AGO2: variants seen among roughly 807,000 people sequenced by gnomAD.
AGO2 encodes argonaute RISC catalytic component 2.
In AGO2, 5 loss-of-function variants were observed where a neutral mutation model predicts 102.3. That is an observed-to-expected ratio of 0.05 (90% CI 0.03 to 0.10). The LOEUF (loss-of-function observed/expected upper bound fraction) is 0.10, where lower values mean the gene tolerates loss of function less well. AGO2 is among the 10% of genes least tolerant of loss of function. AGO2 has a pLI of 1.00. For missense variants in AGO2, 541 were observed against 1,183.7 expected (o/e 0.46, Z 7.97); for synonymous variants, 449 against 473.1 (o/e 0.95, Z 0.66).
At chr8:140,640,709 C>T in the AGO2 span, among the ~76,000 whole-genome samples, 3,675 of 151,992 alleles carry the variant, frequency 0.024, 114 homozygotes, top group East Asian at 0.074. Context: ...GTAGTAGAGA[C>T]GGGGTTTCAC....
intron 14 of AGO2, among the ~76,000 whole-genome samples, chr8:140,541,976 T>G (rs953108681): frequency 2.0e-5 from 3 of 152,154 alleles, no homozygotes; most frequent in Non-Finnish European, 4.4e-5. Context: ...GTGGCTGAAT[T>G]AATCAGTCCA....
At chr8:140,625,772 A>G (rs1488488014) in intron 1 of AGO2, among the ~76,000 whole-genome samples, 1 of 152,208 alleles carries the variant, frequency 6.6e-6, no homozygotes, top group Non-Finnish European at 1.5e-5. Context: ...CAAATGTTTC[A>G]GAACATTCCA....
Position 140,626,056 on chromosome 8 carries a change from G to A in AGO2, c.22+9429C>T, listed in dbSNP as rs74672709. Among the ~76,000 whole-genome samples, 657 of 152,322 alleles carry A rather than the reference G, an allele frequency of 4.3e-3. 12 individuals carry two copies. In the East Asian group the frequency reaches 0.057, roughly 13 times the overall value. ...CCAATAGGGCCACTCGAGCCACCAC[G>A]GCAAAGCCATGGGCAGCACGTGGCC... On this transcript the variant is annotated intron_variant, in intron 1 of 18. Coordinates refer to ENST00000220592, the MANE Select transcript of AGO2 (RefSeq NM_012154.5).
At chr8:140,601,082 C>A (rs753604457) in intron 1 of AGO2, among the ~76,000 whole-genome samples, 8 of 152,198 alleles carry the variant, frequency 5.3e-5, no homozygotes, top group African/African-American at 1.2e-4. Context: ...GCCAGAGATA[C>A]CAGGAAGGGC....
At chr8:140,634,480 G>T (rs1004482922) in intron 1 of AGO2, among the ~76,000 whole-genome samples, 8 of 152,242 alleles carry the variant, frequency 5.3e-5, no homozygotes, top group African/African-American at 1.9e-4. Flanking sequence ...CCGTCCCAGC[G>T]GCCAGGCCGG....
chr8:140,543,843 C>A (rs990454510), intron 14 of AGO2, among the ~76,000 whole-genome samples: 1 of 152,198 alleles, frequency 6.6e-6, no homozygotes, highest in Non-Finnish European at 1.5e-5. Flanking sequence ...ACGGGCCTGT[C>A]TGGGGTTCGG....
chr8:140,624,032 G>A (rs1414660285), intron 1 of AGO2, among the ~76,000 whole-genome samples: 1 of 152,172 alleles, frequency 6.6e-6, no homozygotes, highest in Non-Finnish European at 1.5e-5. Context: ...ACCATAGGGC[G>A]AGATGCACGG....
At chr8:140,544,588 C>CGATA (rs2072863919) in intron 13 of AGO2, among the ~76,000 whole-genome samples, 1 of 128,638 alleles carries the variant, frequency 7.8e-6, no homozygotes, top group Non-Finnish European at 1.6e-5. Flanking sequence ...GGCCCAGGCC[C>CGATA]AGGAGGGCTC....
intron 1 of AGO2, among the ~76,000 whole-genome samples, chr8:140,600,471 G>C (rs567246598): frequency 4.6e-5 from 7 of 152,106 alleles, no homozygotes; most frequent in Admixed American, 1.3e-4. Flanking sequence ...ACCTGAGGTC[G>C]GGAGTTCGAG....
chr8:140,562,306 G>T, intron 4 of AGO2, 147 bp downstream of exon 4: 1 of 969,662 alleles, frequency 1.0e-6, no homozygotes, highest in East Asian at 2.6e-5. Flanking sequence ...AGCACCATTT[G>T]TGTTATCTTC....
intron 4 of AGO2, 47 bp downstream of exon 4, chr8:140,562,406 G>A: frequency 6.4e-7 from 1 of 1,572,554 alleles, no homozygotes; most frequent in Non-Finnish European, 8.7e-7. Flanking sequence ...GGGGCCCTCG[G>A]AGCTGCAGGG....
intron 12 of AGO2, among the ~76,000 whole-genome samples, chr8:140,548,008 C>G (rs974884025): frequency 6.6e-6 from 1 of 152,192 alleles, no homozygotes; most frequent in Non-Finnish European, 1.5e-5. Flanking sequence ...GGACTTGGCT[C>G]CCTGCTTAGG....
chr8:140,615,976 T>TTCTG (rs1281450769), intron 1 of AGO2, among the ~76,000 whole-genome samples: 6 of 152,228 alleles, frequency 3.9e-5, no homozygotes, highest in Admixed American at 6.5e-5. Context: ...TGCTTTCTGA[T>TTCTG]ATCATTCATC....
intron 3 of AGO2, among the ~76,000 whole-genome samples, chr8:140,570,307 C>T (rs2073357942): frequency 6.6e-6 from 1 of 152,226 alleles, no homozygotes; most frequent in African/African-American, 2.4e-5. Context: ...CTCACTGCAA[C>T]CTCCATCTCC....
Position 140,547,602 on chromosome 8 carries a change from C to T in AGO2, c.1614G>A (p.Thr538=), listed in dbSNP as rs369817043. The change falls in exon 13 of 19, where the codon ACG becomes ACA. Residue 538 remains threonine, a synonymous_variant. Transcript: ENST00000220592. ...VYAEVKRVGD[T]VLGMATQCVQ... ...CGCACTGCGTGGCCATCCCCAGCAC[C>T]GTGTCTCCCACGCGCTTGACCTCGG... 3.5e-5 allele frequency: 56 copies of T among 1,613,660 alleles called. No individual in the cohort carries two copies. Among genetic ancestry groups the T allele is most frequent in the Non-Finnish European group, 4.4e-5 (52 of 1,179,838 alleles).
At chr8:140,592,951 G>C (rs78243533) in intron 1 of AGO2, 1 of 152,366 alleles carries the variant, frequency 6.6e-6, no homozygotes, top group African/African-American at 2.4e-5. Flanking sequence ...GTGACAGCCA[G>C]GGCACCTGGG....
intron 17 of AGO2, among the ~76,000 whole-genome samples, chr8:140,533,192 A>G (rs1001650828): frequency 2.0e-5 from 3 of 150,404 alleles, no homozygotes; most frequent in South Asian, 2.1e-4. Context: ...GATCGAGACC[A>G]TCCTGGCTAA....
At chr8:140,590,816 G>A (rs2073737022) in intron 1 of AGO2, among the ~76,000 whole-genome samples, 1 of 152,190 alleles carries the variant, frequency 6.6e-6, no homozygotes. Flanking sequence ...AATACGTTCT[G>A]GGGAATGCTG....
intron 16 of AGO2, among the ~76,000 whole-genome samples, chr8:140,536,725 C>A (rs369634062): frequency 6.6e-6 from 1 of 152,140 alleles, no homozygotes; most frequent in Non-Finnish European, 1.5e-5. Context: ...GGAGAAGTGG[C>A]GTGTAGGTGT....
Sources: gnomAD v4.1 joint callset for allele counts (sites outside exome capture counted in the v4.1 genomes callset) on GRCh38, gnomAD v4.1.1 for gene constraint, MANE v1.5 for transcripts, NCBI Gene and HGNC (gene_info 2026-07-23, HGNC 2026-07-21) for gene names.